The following KLHL13 variants were observed in gnomAD, a reference collection of about 807,000 sequenced individuals.
KLHL13 encodes kelch like family member 13.
A neutral mutation model predicts 37.1 loss-of-function variants in KLHL13; 10 were observed. The observed-to-expected ratio is 0.27, with a 90% CI of 0.17 to 0.46. The LOEUF is 0.46. KLHL13 is among the 20% of genes least tolerant of loss of function. The pLI is 1.00. For missense variants in KLHL13, 360 were observed against 509.3 expected (o/e 0.71, Z 2.82); for synonymous variants, 163 against 181.2 (o/e 0.90, Z 0.81).
At chrX:117,919,838 G>A (rs1230954575) in intron 3 of KLHL13, 121 bp from the exon 5 acceptor site, 5 of 510,624 alleles carry the variant, frequency 9.8e-6, no homozygotes, top group Non-Finnish European at 1.6e-5. Flanking sequence ...AGTCATATTA[G>A]AGTCAGTCTG....
chrX:118,007,912 A>G (rs748506728), intron 1 of KLHL13, among the ~76,000 whole-genome samples: 1 of 112,134 alleles, frequency 8.9e-6, no homozygotes, highest in East Asian at 2.8e-4. Flanking sequence ...TCTTCCAGGG[A>G]AAAAAGGTAT....
chrX:117,903,725 T>A (rs754593813), intron 5 of KLHL13, among the ~76,000 whole-genome samples: 1 of 111,187 alleles, frequency 9.0e-6, no homozygotes, highest in Non-Finnish European at 1.9e-5. Context: ...CTTTTAGAAG[T>A]AATTAAACCA....
At chrX:117,969,120 T>C (rs1419204882) in intron 1 of KLHL13, among the ~76,000 whole-genome samples, 1 of 111,783 alleles carries the variant, frequency 8.9e-6, no homozygotes, top group Non-Finnish European at 1.9e-5. Flanking sequence ...TTGAGAAAGG[T>C]AACATTCTAA....
chrX:117,998,867 T>C (rs1480413542), intron 1 of KLHL13, among the ~76,000 whole-genome samples: 3 of 110,694 alleles, frequency 2.7e-5, no homozygotes, highest in African/African-American at 9.8e-5. Flanking sequence ...ATATAAATGC[T>C]ATGTAAATTA....
intron 6 of KLHL13, among the ~76,000 whole-genome samples, chrX:117,900,386 T>C (rs1452152891): frequency 8.9e-6 from 1 of 112,084 alleles, no homozygotes; most frequent in Non-Finnish European, 1.9e-5. Context: ...CCACTCTTGA[T>C]TGGGAAGGTC....
intron 1 of KLHL13, among the ~76,000 whole-genome samples, chrX:118,070,910 C>T (rs931330357): frequency 8.3e-5 from 9 of 107,843 alleles, no homozygotes; most frequent in African/African-American, 3.1e-4. Flanking sequence ...TCCCCCCTTC[C>T]CCCACCCCAC....
At chrX:118,082,646 C>T (rs759258306) in intron 1 of KLHL13, among the ~76,000 whole-genome samples, 8 of 111,452 alleles carry the variant, frequency 7.2e-5, no homozygotes, top group Non-Finnish European at 1.5e-4. Context: ...GTTGTCTATG[C>T]TTTTGAAGCT....
chrX:118,028,155 A>T (rs915433899), intron 1 of KLHL13, among the ~76,000 whole-genome samples: 2 of 111,725 alleles, frequency 1.8e-5, no homozygotes, highest in African/African-American at 6.5e-5. Context: ...ATTCAAATAA[A>T]TATCTCCACT....
At chrX:118,107,380 T>G (rs1283913281) in intron 1 of KLHL13, among the ~76,000 whole-genome samples, 1 of 111,558 alleles carries the variant, frequency 9.0e-6, no homozygotes, top group Non-Finnish European at 1.9e-5. Flanking sequence ...ATTTACGAGA[T>G]GCACATTCGA....
intron 1 of KLHL13, among the ~76,000 whole-genome samples, chrX:118,065,774 T>C (rs1051822016): frequency 9.9e-5 from 11 of 111,657 alleles, no homozygotes; most frequent in African/African-American, 3.3e-4. Flanking sequence ...TTCTGCTACA[T>C]AGAAGTAAAA....
At chrX:117,941,192 T>C (rs1007977468) in intron 2 of KLHL13, among the ~76,000 whole-genome samples, 1 of 112,089 alleles carries the variant, frequency 8.9e-6, no homozygotes, top group African/African-American at 3.2e-5. Context: ...TCTGCATCTA[T>C]TGAGAAAATC....
At chrX:117,946,237 C>T (rs1179955274) in intron 1 of KLHL13, 1 of 112,193 alleles carries the variant, frequency 8.9e-6, no homozygotes, top group African/African-American at 3.2e-5. Flanking sequence ...CAGTATCTCT[C>T]ACTTACCAGT....
In KLHL13 at chrX:117,963,037, T is replaced by C. The variant is rs78480801; in HGVS notation, c.98+9694A>G. On this transcript the variant is annotated intron_variant, in intron 1 of 6. Coordinates refer to ENST00000262820, the Ensembl canonical transcript of KLHL13. ...AAAATTTGGAATATGTCTCATGAAG[T>C]TTAGAATATCTGTTATACATGCTAG... Among the ~76,000 whole-genome samples, 796 of 112,208 alleles carry C rather than the reference T, an allele frequency of 7.1e-3. 12 individuals are homozygous for C. The highest frequency in any genetic ancestry group is 0.024 in the African/African-American group (753 of 30,965).
At chrX:117,899,258 T>A in exon 7 of KLHL13, 3 of 1,211,280 alleles carry the variant, frequency 2.5e-6, no homozygotes, top group Non-Finnish European at 3.4e-6. Flanking sequence ...TTGCCACCAA[T>A]GACATAGAGC....
intron 1 of KLHL13, among the ~76,000 whole-genome samples, chrX:118,034,499 C>T (rs1422782090): frequency 1.0e-5 from 1 of 97,742 alleles, no homozygotes; most frequent in Non-Finnish European, 2.0e-5. Context: ...CTACTGGGTA[C>T]ATAATGAAAT....
chrX:117,976,705 G>C (rs1227166391), upstream of KLHL13, among the ~76,000 whole-genome samples: 1 of 111,915 alleles, frequency 8.9e-6, no homozygotes, highest in East Asian at 2.8e-4. Context: ...ATGTACAATT[G>C]CATAAAACAG....
At position 117,963,261 on chromosome X, in the gene KLHL13, G is replaced by GA. The variant is rs35031677; in HGVS notation, c.98+9469dup. Among the ~76,000 whole-genome samples the GA allele has an allele frequency of 6.8e-3, 758 of 111,211 alleles. 11 individuals carry two copies. The highest frequency in any genetic ancestry group is 0.023 in the African/African-American group (718 of 30,702). On this transcript the variant is annotated intron_variant, in intron 1 of 6. Transcript: ENST00000262820. ...ACCTCATCATAGTAAGTTATGCTGG[G>GA]AAAAATATTTTAGTATAATTGAAAA...
intron 1 of KLHL13, among the ~76,000 whole-genome samples, chrX:117,967,303 A>C (rs1396043357): frequency 1.8e-5 from 2 of 111,874 alleles, no homozygotes; most frequent in Non-Finnish European, 3.8e-5. Flanking sequence ...ACATCATGGC[A>C]GCCATGTCAA....
chrX:118,017,705 AC>A (rs1418974053), intron 1 of KLHL13, among the ~76,000 whole-genome samples: 1 of 111,623 alleles, frequency 9.0e-6, no homozygotes, highest in Non-Finnish European at 1.9e-5. Flanking sequence ...TGTATTTCCC[AC>A]TACACAGAAA....
Sources: allele counts gnomAD v4.1 joint callset (sites outside exome capture counted in the v4.1 genomes callset), GRCh38; gene constraint gnomAD v4.1.1; transcripts MANE v1.5; gene names NCBI Gene and HGNC (gene_info 2026-07-23, HGNC 2026-07-21).